RAB3D: variants seen among roughly 807,000 people sequenced by gnomAD.
RAB3D encodes ras-related protein Rab-3D.
RAB3D carries 17 observed loss-of-function variants against 19.3 expected under a neutral mutation model. That is an observed-to-expected ratio of 0.88 (90% CI 0.60 to 1.32). RAB3D has a LOEUF of 1.32. Ranked by LOEUF, RAB3D falls within the 40% of genes most tolerant of loss-of-function variation. The pLI is 0.00. For synonymous variants in RAB3D, 103 were observed against 119.9 expected (o/e 0.86, Z 0.92); for missense variants, 223 against 299.1 (o/e 0.75, Z 1.88).
Position 11,333,037 on chromosome 19 carries a change from T to C in RAB3D, c.472+2410A>G, listed in dbSNP as rs543265571. ...CACGAAATGGAATAGTACACAGCCA[T>C]GCAAAAGAATGAGCCAGCTCTGGGG... On this transcript the variant is annotated intron_variant, in intron 4 of 4. Transcript: ENST00000222120. 3.6e-4 allele frequency among the ~76,000 whole-genome samples: 55 copies of C among 151,508 alleles called. 1 individual carries two copies. In the South Asian group the frequency reaches 0.01, roughly 28 times the overall value.
intron 4 of RAB3D, among the ~76,000 whole-genome samples, chr19:11,332,138 T>A: frequency 6.6e-6 from 1 of 152,210 alleles, no homozygotes; most frequent in Non-Finnish European, 1.5e-5. Flanking sequence ...GTTCAAGTGA[T>A]TCTCCTCCCT....
chr19:11,334,141 C>T (rs2080844119), intron 4 of RAB3D, among the ~76,000 whole-genome samples: 1 of 152,152 alleles, frequency 6.6e-6, no homozygotes, highest in Admixed American at 6.6e-5. Context: ...GGTTTGCTGA[C>T]TCCTGGACTA....
intron 1 of RAB3D, among the ~76,000 whole-genome samples, chr19:11,338,818 C>G (rs1197762739): frequency 6.6e-6 from 1 of 152,238 alleles, no homozygotes; most frequent in Non-Finnish European, 1.5e-5. Context: ...TCTGCCCACA[C>G]TCCAACATGC....
At chr19:11,332,235 T>C (rs2147968922) in intron 4 of RAB3D, among the ~76,000 whole-genome samples, 1 of 152,338 alleles carries the variant, frequency 6.6e-6, no homozygotes, top group South Asian at 2.1e-4. Context: ...TTTCACCATG[T>C]TGGTCAGGTT....
rs2080783625 is a variant in RAB3D at position 11,322,145 on chromosome 19, C to T, written c.*3253G>A. The T allele has an allele frequency of 6.6e-6, 1 of 152,152 alleles. No individual in the cohort carries two copies. The highest frequency in any genetic ancestry group is 2.1e-4 in the South Asian group (1 of 4,828). The allele number at this position is 152,152 out of a possible 1,614,324, so 9.4% of individuals were successfully genotyped here. The stretch of plus-strand genomic sequence containing the variant: ...AACTGGACATCAAGGAATTGCTACA[C>T]AGAAGAACCACATCCAGGATAGAAA... On this transcript the variant is annotated 3_prime_UTR_variant, in exon 5 of 5. Transcript: ENST00000222120.
intron 1 of RAB3D, among the ~76,000 whole-genome samples, chr19:11,338,101 A>C (rs1177268075): frequency 6.6e-6 from 1 of 152,210 alleles, no homozygotes; most frequent in Non-Finnish European, 1.5e-5. Context: ...TCCAGTGGGA[A>C]GGTATTAACA....
chr19:11,332,189 C>T (rs537812465), intron 4 of RAB3D, among the ~76,000 whole-genome samples: 2 of 151,934 alleles, frequency 1.3e-5, no homozygotes, highest in Middle Eastern at 3.4e-3. Flanking sequence ...TGCGCCACCA[C>T]GACCGGCTAA....
rs1297163660 is a variant in RAB3D at position 11,335,733 on chromosome 19, C to T, written c.279G>A (p.Arg93=). Residue 93 remains arginine (R), a synonymous_variant, in exon 3 of 5, where the codon CGG becomes CGA. Transcript: ENST00000222120. ...ACATGAGCAGGAAGCCCATGGCTCC[C>T]CGGTAGTAGGCCGTGGTGATGGTGC... ...RYRTITTAYY[R]GAMGFLLMYD... is the part of the protein sequence containing the mutation. 1.9e-6 allele frequency: 3 copies of T among 1,614,202 alleles called. No individual in the cohort carries two copies. Among genetic ancestry groups the T allele is most frequent in the South Asian group, 1.1e-5 (1 of 91,082 alleles).
At chr19:11,330,769 C>T (rs1039453948) in intron 4 of RAB3D, among the ~76,000 whole-genome samples, 11 of 151,950 alleles carry the variant, frequency 7.2e-5, no homozygotes, top group Non-Finnish European at 1.3e-4. Flanking sequence ...CCAGGGTGGT[C>T]TCAAGCTTCT....
At chr19:11,330,091 C>A (rs779969000) in intron 4 of RAB3D, among the ~76,000 whole-genome samples, 1 of 152,152 alleles carries the variant, frequency 6.6e-6, no homozygotes, top group Non-Finnish European at 1.5e-5. Context: ...AGTATTCCAG[C>A]CCATCGCGGG....
chr19:11,325,535 C>A lies in RAB3D; in HGVS notation c.523G>T (p.Val175Phe). The A allele has an allele frequency of 1.2e-6, 2 of 1,613,678 alleles. No homozygotes were observed. The highest frequency in any genetic ancestry group is 1.7e-6 in the Non-Finnish European group (2 of 1,180,006). ...ATGACATCCACCAGGCGCTCGAAGA[C>A]CTGCTTCACATTGATGTTCTCCTTG... is the stretch of plus-strand genomic sequence containing the variant. ...SAKENINVKQ[V>F]FERLVDVICE... The change falls in exon 5 of 5, where the codon GTC (valine) becomes TTC (phenylalanine). Residue 175 changes from valine to phenylalanine, a missense_variant. Val to Phe is a conservative substitution (Grantham distance 50, BLOSUM62 -1). Transcript: ENST00000222120.
intron 4 of RAB3D, among the ~76,000 whole-genome samples, chr19:11,333,755 G>C (rs140317059): frequency 6.6e-6 from 1 of 151,510 alleles, no homozygotes; most frequent in Non-Finnish European, 1.5e-5. Context: ...GTGCAGTGGC[G>C]TGATATCGGC....
rs921428271 is a variant in RAB3D, at chr19:11,333,376, G to A, written c.472+2071C>T. The stretch of plus-strand genomic sequence containing the variant: ...ATTACAAGCGTGAGCCACTGCGCCC[G>A]GCAGAGAAATATTTCTAGGATATAT... On this transcript the variant is annotated intron_variant, in intron 4 of 4. Transcript: ENST00000222120. Among the ~76,000 whole-genome samples, 6 of 152,154 alleles carry A rather than the reference G, an allele frequency of 3.9e-5. No individual in the cohort carries two copies. In the South Asian group the frequency reaches 6.2e-4, roughly 16 times the overall value.
intron 4 of RAB3D, among the ~76,000 whole-genome samples, chr19:11,325,935 G>A (rs2080810216): frequency 2.0e-5 from 3 of 151,964 alleles, no homozygotes; most frequent in African/African-American, 7.3e-5. Context: ...AAAAGTAGAT[G>A]GGCGGCCAGG....
intron 4 of RAB3D, among the ~76,000 whole-genome samples, chr19:11,328,351 AAAG>A (rs1265684898): frequency 4.0e-5 from 6 of 149,346 alleles, no homozygotes; most frequent in South Asian, 2.1e-4. Flanking sequence ...AAAAAAAAAA[AAAG>A]AAGAAGGTTG....
At chr19:11,330,146 C>T (rs1266128818) in intron 4 of RAB3D, among the ~76,000 whole-genome samples, 1 of 152,176 alleles carries the variant, frequency 6.6e-6, no homozygotes, top group Non-Finnish European at 1.5e-5. Flanking sequence ...GGATCCAGGG[C>T]CCTGCCCCAC....
intron 2 of RAB3D, among the ~76,000 whole-genome samples, chr19:11,336,521 G>A (rs2147970801): frequency 6.6e-6 from 1 of 151,990 alleles, no homozygotes. Flanking sequence ...TGTTGTCCAG[G>A]CTGGTCTGGA....
intron 4 of RAB3D, among the ~76,000 whole-genome samples, chr19:11,333,465 C>CA (rs1437391233): frequency 1.3e-5 from 2 of 151,976 alleles, no homozygotes; most frequent in Non-Finnish European, 2.9e-5. Flanking sequence ...CTGTGTAAAA[C>CA]AAAAAAGTAG....
In RAB3D at chr19:11,322,559, C is replaced by G. The variant is rs144879292; in HGVS notation, c.*2839G>C. On this transcript the variant is annotated 3_prime_UTR_variant, in exon 5 of 5. Coordinates refer to ENST00000222120, the MANE Select transcript of RAB3D (RefSeq NM_004283.4). ...TGTGTCTGTAAACTCAACAAACCTC[C>G]GTTTCCCTGAGGTAATCTGCAAAAA... is the stretch of plus-strand genomic sequence containing the variant. 8.5e-5 allele frequency: 13 copies of G among 152,304 alleles called. No homozygotes were observed. Among genetic ancestry groups the G allele is most frequent in the African/African-American group, 2.9e-4 (12 of 41,556 alleles). 9.4% of individuals were successfully genotyped at this position (152,304 alleles called of 1,614,324 possible).
Sources: gnomAD v4.1 joint callset for allele counts (sites outside exome capture counted in the v4.1 genomes callset) on GRCh38, gnomAD v4.1.1 for gene constraint, MANE v1.5 for transcripts, NCBI Gene and HGNC (gene_info 2026-07-23, HGNC 2026-07-21) for gene names.